Variants in LMNTD1 observed in about 807,000 individuals in gnomAD.
The protein encoded by LMNTD1 is lamin tail domain-containing protein 1.
In LMNTD1, 35 loss-of-function variants were observed where a neutral mutation model predicts 50.9. The ratio of observed to expected loss-of-function variants is 0.69; its 90% CI spans 0.53 to 0.91. LMNTD1 has a LOEUF of 0.91. Among genes scored for constraint, LMNTD1 ranks in the 40% least tolerant of loss-of-function variants. The probability of loss-of-function intolerance (pLI) is 0.00; values close to 1 mark genes in which losing one functional copy is unlikely to be tolerated. For missense variants in LMNTD1, 470 were observed against 475.5 expected (o/e 0.99, Z 0.11); for synonymous variants, 153 against 161.9 (o/e 0.94, Z 0.42).
intron 1 of LMNTD1, among the ~76,000 whole-genome samples, chr12:25,594,002 C>T (rs953528118): frequency 1.3e-5 from 2 of 151,992 alleles, no homozygotes; most frequent in Non-Finnish European, 2.9e-5. Flanking sequence ...TTGAATTAAC[C>T]CAATCTAACA....
intron 8 of LMNTD1, among the ~76,000 whole-genome samples, chr12:25,512,209 T>C (rs574804231): frequency 1.3e-5 from 2 of 152,338 alleles, no homozygotes; most frequent in African/African-American, 4.8e-5. Flanking sequence ...AAATACATAT[T>C]TGCAGCTACA....
In LMNTD1 at chr12:25,568,326, A is replaced by G. The variant is rs556090434; in HGVS notation, c.59-21772T>C. On this transcript the variant is annotated intron_variant, in intron 1 of 7. Coordinates refer to the LMNTD1 transcript ENST00000445693. ...TGGCTGCTTCTAACATCCTACTTTC[A>G]GATGTGAAAGCAAAGAAATGACTTA... 2.2e-4 allele frequency among the ~76,000 whole-genome samples: 33 copies of G among 152,376 alleles called. 1 individual carries two copies. Among genetic ancestry groups the G allele is most frequent in the African/African-American group, 7.7e-4 (32 of 41,588 alleles).
intron 1 of LMNTD1, among the ~76,000 whole-genome samples, chr12:25,577,828 A>T (rs559701216): frequency 3.9e-5 from 6 of 152,176 alleles, no homozygotes; most frequent in African/African-American, 1.4e-4. Context: ...CTATTTTCTA[A>T]GTTCAGTAAA....
At chr12:25,536,946 T>G (rs1942635742) in intron 4 of LMNTD1, among the ~76,000 whole-genome samples, 1 of 148,910 alleles carries the variant, frequency 6.7e-6, no homozygotes, top group Admixed American at 6.6e-5. Context: ...TTCCCTTTCC[T>G]AATCAAAGAA....
intron 1 of LMNTD1, among the ~76,000 whole-genome samples, chr12:25,615,918 A>G (rs1401490341): frequency 6.6e-6 from 1 of 152,230 alleles, no homozygotes; most frequent in African/African-American, 2.4e-5. Flanking sequence ...CTAAAGTTAT[A>G]TGTGGAAGAT....
intron 1 of LMNTD1, among the ~76,000 whole-genome samples, chr12:25,643,421 A>G (rs1304619221): frequency 6.6e-6 from 1 of 152,200 alleles, no homozygotes; most frequent in African/African-American, 2.4e-5. Context: ...ACATGAGATG[A>G]AAAAGGTTAA....
In LMNTD1 at chr12:25,589,129, G is replaced by A. The variant is rs1249061621; in HGVS notation, c.59-42575C>T. Among the ~76,000 whole-genome samples, 42 of 152,186 alleles carry A rather than the reference G, an allele frequency of 2.8e-4. 1 individual carries two copies. The highest frequency in any genetic ancestry group is 2.2e-3 in the Admixed American group (33 of 15,286). On this transcript the variant is annotated intron_variant, in intron 1 of 7. Transcript: ENST00000445693. ...CTGTCCAAGGTACATGTACAATGAC[G>A]TTCATAGCAACATCATTTATTATAG...
chr12:25,635,240 C>CAAAAA (rs35630911), intron 1 of LMNTD1, among the ~76,000 whole-genome samples: 2 of 114,114 alleles, frequency 1.8e-5, no homozygotes, highest in Non-Finnish European at 3.4e-5. Flanking sequence ...AACTCTGTCT[C>CAAAAA]AAAAAAAAAA....
intron 1 of LMNTD1, among the ~76,000 whole-genome samples, chr12:25,619,252 CTATATATATATATA>C (rs71450756): frequency 2.4e-5 from 2 of 84,444 alleles, no homozygotes; most frequent in Admixed American, 1.1e-4. Context: ...CTCTCTCTCT[CTATATATATATATA>C]TATATATATA....
intron 1 of LMNTD1, among the ~76,000 whole-genome samples, chr12:25,609,970 T>G (rs1416907627): frequency 6.6e-6 from 1 of 152,160 alleles, no homozygotes; most frequent in Non-Finnish European, 1.5e-5. Context: ...CAAAGGCAGG[T>G]GGGCCTAGTT....
intron 9 of LMNTD1, among the ~76,000 whole-genome samples, chr12:25,501,378 T>A (rs762992320): frequency 2.6e-5 from 4 of 152,182 alleles, no homozygotes; most frequent in Non-Finnish European, 5.9e-5. Context: ...AAATCTTTCT[T>A]GCAGTTTGGA....
chr12:25,570,149 A>G (rs1944726984), intron 1 of LMNTD1, among the ~76,000 whole-genome samples: 1 of 152,238 alleles, frequency 6.6e-6, no homozygotes, highest in South Asian at 2.1e-4. Flanking sequence ...TTACAAGGCA[A>G]TTGAATAGAT....
intron 9 of LMNTD1, among the ~76,000 whole-genome samples, chr12:25,482,179 A>G (rs1280544474): frequency 6.6e-6 from 1 of 152,040 alleles, no homozygotes; most frequent in African/African-American, 2.4e-5. Context: ...GCATGTACAC[A>G]TTTGAAAGTT....
At chr12:25,479,624 G>A (rs1938379223) in intron 9 of LMNTD1, among the ~76,000 whole-genome samples, 1 of 152,204 alleles carries the variant, frequency 6.6e-6, no homozygotes, top group African/African-American at 2.4e-5. Context: ...GAGTGCCTTG[G>A]TCAGAGGCAA....
At chr12:25,564,285 G>A (rs773295463) in intron 1 of LMNTD1, among the ~76,000 whole-genome samples, 7 of 152,176 alleles carry the variant, frequency 4.6e-5, no homozygotes, top group Admixed American at 2.6e-4. Flanking sequence ...TTCAAAAAGA[G>A]TCTTGCTCTG....
At chr12:25,566,715 T>C (rs1352585325) in intron 1 of LMNTD1, among the ~76,000 whole-genome samples, 6 of 152,168 alleles carry the variant, frequency 3.9e-5, no homozygotes, top group Admixed American at 3.9e-4. Flanking sequence ...ATAACAAATT[T>C]GAAGTTAGGA....
chr12:25,560,850 T>C (rs1944275377), intron 1 of LMNTD1, among the ~76,000 whole-genome samples: 1 of 152,208 alleles, frequency 6.6e-6, no homozygotes, highest in South Asian at 2.1e-4. Flanking sequence ...TATTGATGTA[T>C]AGGAATGCTT....
intron 1 of LMNTD1, among the ~76,000 whole-genome samples, chr12:25,578,037 A>G (rs1945109591): frequency 6.6e-6 from 1 of 152,114 alleles, no homozygotes; most frequent in South Asian, 2.1e-4. Flanking sequence ...TCACCTGCCT[A>G]GTTGTCCACG....
At chr12:25,510,348 T>C (rs1161175422) in intron 8 of LMNTD1, among the ~76,000 whole-genome samples, 1 of 152,104 alleles carries the variant, frequency 6.6e-6, no homozygotes, top group Non-Finnish European at 1.5e-5. Context: ...ACATTGAGGC[T>C]ATCATTCCAT....
Sources: gnomAD v4.1 joint callset for allele counts (sites outside exome capture counted in the v4.1 genomes callset) on GRCh38, gnomAD v4.1.1 for gene constraint, MANE v1.5 for transcripts, NCBI Gene and HGNC (gene_info 2026-07-23, HGNC 2026-07-21) for gene names.